TNC: variants seen among roughly 807,000 people sequenced by gnomAD.
TNC encodes tenascin C.
Under a neutral mutation model 202.4 loss-of-function variants are expected in TNC, and 109 were observed. The observed-to-expected ratio is 0.54, with a 90% CI of 0.46 to 0.63. The LOEUF (loss-of-function observed/expected upper bound fraction) is 0.63, where lower values mean the gene tolerates loss of function less well. TNC is among the 30% of genes least tolerant of loss of function. The probability of loss-of-function intolerance (pLI) is 0.00; values close to 1 mark genes in which losing one functional copy is unlikely to be tolerated. For missense variants in TNC, 2,756 were observed against 2,833.3 expected (o/e 0.97, Z 0.62); for synonymous variants, 1,007 against 1,089.7 (o/e 0.92, Z 1.50).
chr9:115,039,948 T>C (rs530491304), intron 19 of TNC, among the ~76,000 whole-genome samples: 1 of 152,260 alleles, frequency 6.6e-6, no homozygotes. Flanking sequence ...GTCAACTCTT[T>C]CAGGCTATGA....
At chr9:115,023,804 G>A (rs1829268929) in intron 27 of TNC, among the ~76,000 whole-genome samples, 169 bp downstream of exon 27, 1 of 152,202 alleles carries the variant, frequency 6.6e-6, no homozygotes, top group Non-Finnish European at 1.5e-5. Flanking sequence ...TATTTTACCT[G>A]GCCTGCAGTG....
chr9:115,041,625 C>A (rs1377821265), intron 18 of TNC, among the ~76,000 whole-genome samples: 10 of 152,204 alleles, frequency 6.6e-5, no homozygotes, highest in Admixed American at 6.5e-4. Context: ...GCTGGTCAGA[C>A]TTCCTATAGA....
At chr9:115,078,248 T>C (rs1588142405) in intron 6 of TNC, 36 bp from the exon 7 acceptor site, 1 of 1,572,556 alleles carries the variant, frequency 6.4e-7, no homozygotes, top group Non-Finnish European at 8.7e-7. Flanking sequence ...CTTCAGAGGT[T>C]AGGGCCATTG....
intron 7 of TNC, among the ~76,000 whole-genome samples, chr9:115,077,215 T>C (rs971779328): frequency 2.6e-5 from 4 of 152,066 alleles, no homozygotes; most frequent in East Asian, 1.9e-4. Context: ...CCACCACGCC[T>C]GGCTAATTTT....
chr9:115,046,508 T>C lies in TNC; in HGVS notation c.5027A>G (p.Asp1676Gly). ...AGTAGCCTCTCTGAGACCTGTTATG[T>C]CCCTGGTACGTTCGGGGGCAAGTAG... ...ITLLAPERTR[D>G]ITGLREATEY... The change falls in exon 17 of 28, where the codon GAC becomes GGC. Residue 1676 changes from aspartate to glycine, a missense_variant. Physicochemically the swap from Asp to Gly is moderately conservative, Grantham distance 94. This residue lies in a region of TNC where 2,559 missense variants were observed against 2,546.0 expected (regional missense o/e 1.01). Transcript: ENST00000350763. The C allele has an allele frequency of 6.2e-7, 1 of 1,614,158 alleles. No individual in the cohort carries two copies. Among genetic ancestry groups the C allele is most frequent in the Non-Finnish European group, 8.5e-7 (1 of 1,180,008 alleles).
At chr9:115,076,713 C>T in intron 7 of TNC, 138 bp from the exon 8 acceptor site, 1 of 963,200 alleles carries the variant, frequency 1.0e-6, no homozygotes, top group Non-Finnish European at 1.5e-6. Flanking sequence ...CATCTGTCCC[C>T]ATAGTGGATG....
chr9:115,043,243 T>C (rs1830903854), intron 17 of TNC, among the ~76,000 whole-genome samples: 1 of 152,146 alleles, frequency 6.6e-6, no homozygotes, highest in African/African-American at 2.4e-5. Flanking sequence ...GATTATTACA[T>C]GCTGAAACCC....
Position 115,026,662 on chromosome 9 carries a change from C to T in TNC, c.6203G>A (p.Gly2068Glu). 1 of 1,613,866 alleles carries T rather than the reference C, an allele frequency of 6.2e-7. No homozygotes were observed. The highest frequency in any genetic ancestry group is 8.5e-7 in the Non-Finnish European group (1 of 1,179,960). Residue 2068 changes from glycine to glutamate, a missense_variant, in exon 26 of 28, where the codon GGG (glycine) becomes GAG (glutamate). By Grantham distance (98) the Gly-to-Glu change is moderately conservative (BLOSUM62 -2). Around this residue, in one of 2 missense-constraint regions of TNC, gnomAD observed 197 missense variants for 287.3 expected, o/e 0.69. Coordinates refer to ENST00000350763, the MANE Select transcript of TNC (RefSeq NM_002160.4). ...LDNLNKITAQ[G>E]QYELRVDLRD... ...CAGGTCCACCCGGAGCTCGTACTGC[C>T]CCTGGGCTGTGATTTTGTTCAGGTT...
At chr9:115,058,229 T>G (rs535967968) in intron 14 of TNC, among the ~76,000 whole-genome samples, 40 of 152,174 alleles carry the variant, frequency 2.6e-4, no homozygotes, top group Admixed American at 5.9e-4. Flanking sequence ...GAATAAAACA[T>G]GCAGAGGGCA....
rs967525136 is a variant in TNC at position 115,087,022 on chromosome 9, T to C, written c.709A>G (p.Ile237Val). The change falls in exon 3 of 28, where the codon ATC (isoleucine) becomes GTC (valine). Residue 237 changes from isoleucine (I) to valine (V), a missense_variant. Ile to Val is a conservative substitution (Grantham distance 29, BLOSUM62 3). Transcript: ENST00000350763. ...DQGKCVNGVC[I>V]CFEGYAGADC... ...GCCCCGGCGTAGCCTTCGAAACAGA[T>C]GCAGACTCCATTTACGCACTTGCCC... is the stretch of plus-strand genomic sequence containing the variant. The C allele has an allele frequency of 9.0e-5, 145 of 1,613,230 alleles. No individual in the cohort carries two copies. Among genetic ancestry groups the C allele is most frequent in the Non-Finnish European group, 1.2e-4 (141 of 1,179,510 alleles).
chr9:115,109,585 G>A (rs1404960061), intron 1 of TNC, among the ~76,000 whole-genome samples: 3 of 152,138 alleles, frequency 2.0e-5, no homozygotes, highest in Non-Finnish European at 2.9e-5. Context: ...ACTAATCTTT[G>A]TTATAACCTC....
intron 1 of TNC, among the ~76,000 whole-genome samples, chr9:115,097,900 G>C (rs1270598877): frequency 1.3e-5 from 2 of 152,198 alleles, no homozygotes; most frequent in African/African-American, 4.8e-5. Flanking sequence ...AATATGAAGA[G>C]CTGGTACTTA....
chr9:115,030,064 G>A lies in TNC; in HGVS notation c.6072+190C>T, dbSNP rs139275687. ...ATCTCCCCGTTTCAAAAAGTAGCCA[G>A]CGTGTTTCCCATTCTTTTGTTTAAG... On this transcript the variant is annotated intron_variant, in intron 24 of 27. Coordinates refer to ENST00000350763, the MANE Select transcript of TNC (RefSeq NM_002160.4). 6.6e-3 allele frequency among the ~76,000 whole-genome samples: 1,003 copies of A among 152,328 alleles called. 45 individuals carry two copies. Among genetic ancestry groups the A allele is most frequent in the Admixed American group, 0.061 (936 of 15,312 alleles).
intron 15 of TNC, among the ~76,000 whole-genome samples, chr9:115,052,486 TAAATAAATAAATA>T (rs1410736614): frequency 1.3e-5 from 2 of 151,454 alleles, no homozygotes; most frequent in Non-Finnish European, 2.9e-5. Context: ...AATAAATAAA[TAAATAAATAAATA>T]AATAAATAAA....
chr9:115,051,849 C>A (rs547233956), intron 15 of TNC, among the ~76,000 whole-genome samples: 1 of 151,962 alleles, frequency 6.6e-6, no homozygotes, highest in East Asian at 1.9e-4. Context: ...AAGCTTTATA[C>A]AACTCTTGAG....
intron 15 of TNC, among the ~76,000 whole-genome samples, chr9:115,052,562 T>C (rs1831780011): frequency 6.6e-6 from 1 of 152,188 alleles, no homozygotes; most frequent in South Asian, 2.1e-4. Flanking sequence ...ATCCACAATG[T>C]ATATGTATAT....
At chr9:115,087,803 G>A (rs1396845737) in intron 2 of TNC, among the ~76,000 whole-genome samples, 1 of 148,572 alleles carries the variant, frequency 6.7e-6, no homozygotes, top group Admixed American at 6.8e-5. Context: ...CTGGGTTCAT[G>A]CCATTCTCCT....
intron 1 of TNC, among the ~76,000 whole-genome samples, chr9:115,099,520 G>T (rs1450531493): frequency 6.6e-6 from 1 of 152,194 alleles, no homozygotes; most frequent in Non-Finnish European, 1.5e-5. Flanking sequence ...GAAATAGTTG[G>T]GTAGTAGCAA....
intron 10 of TNC, among the ~76,000 whole-genome samples, chr9:115,069,127 T>C (rs1410448213): frequency 6.6e-6 from 1 of 152,242 alleles, no homozygotes; most frequent in Non-Finnish European, 1.5e-5. Flanking sequence ...CAGTTTGGTC[T>C]GTGAGAAAAT....
Sources: gnomAD v4.1 joint callset for allele counts (sites outside exome capture counted in the v4.1 genomes callset) on GRCh38, gnomAD v4.1.1 for gene constraint, gnomAD v4.1.1 regional missense constraint, MANE v1.5 for transcripts, NCBI Gene and HGNC (gene_info 2026-07-23, HGNC 2026-07-21) for gene names.